COG5: variants seen among roughly 807,000 people sequenced by gnomAD.
COG5 encodes the protein component of oligomeric golgi complex 5, also known as conserved oligomeric Golgi complex subunit 5.
COG5 carries 86 observed loss-of-function variants against 110.4 expected under a neutral mutation model. The ratio of observed to expected loss-of-function variants is 0.78; its 90% confidence interval spans 0.65 to 0.93. The LOEUF (loss-of-function observed/expected upper bound fraction) is 0.93, where lower values mean the gene tolerates loss of function less well. COG5 is among the 40% of genes least tolerant of loss of function. The probability of loss-of-function intolerance (pLI) is 0.00; values close to 1 mark genes in which losing one functional copy is unlikely to be tolerated. For synonymous variants in COG5, 360 were observed against 334.6 expected (o/e 1.08, Z -0.83); for missense variants, 1,077 against 987.0 (o/e 1.09, Z -1.22).
At chr7:107,478,050 T>C (rs1797094795) in intron 6 of COG5, among the ~76,000 whole-genome samples, 1 of 151,886 alleles carries the variant, frequency 6.6e-6, no homozygotes, top group Non-Finnish European at 1.5e-5. Flanking sequence ...TCATAAATCA[T>C]AGGCATAGAT....
chr7:107,415,253 G>C (rs894968400), intron 6 of COG5, among the ~76,000 whole-genome samples: 12 of 152,170 alleles, frequency 7.9e-5, no homozygotes, highest in Admixed American at 3.3e-4. Flanking sequence ...CATGCACCAT[G>C]ATGAGGAGTC....
At chr7:107,206,092 C>T (rs1162818172) in intron 21 of COG5, among the ~76,000 whole-genome samples, 1 of 152,108 alleles carries the variant, frequency 6.6e-6, no homozygotes, top group Non-Finnish European at 1.5e-5. Context: ...TCCCGAGTAG[C>T]TGGGACTACA....
At chr7:107,385,535 A>G (rs1293324484) in intron 7 of COG5, among the ~76,000 whole-genome samples, 5 of 152,240 alleles carry the variant, frequency 3.3e-5, no homozygotes, top group Admixed American at 3.3e-4. Flanking sequence ...TTTAAAAGGC[A>G]GGGAATTCTG....
chr7:107,201,774 C>T lies in COG5; in HGVS notation c.*1742G>A, dbSNP rs534075932. 1.7e-3 allele frequency: 349 copies of T among 207,364 alleles called. 2 individuals carry two copies. The highest frequency in any genetic ancestry group is 1.7e-3 in the Non-Finnish European group (176 of 104,332). The allele number at this position is 207,364 out of a possible 1,614,324, so 12.8% of individuals were successfully genotyped here. On this transcript the variant is annotated 3_prime_UTR_variant, in exon 22 of 22. Transcript: ENST00000297135. ...TATACATGTTTTATTTTAAATTGTA[C>T]GAAAGGGGAATTTAAAAAATATGTA...
chr7:107,550,020 TCC>T (rs200489553), intron 3 of COG5, among the ~76,000 whole-genome samples: 2,252 of 152,206 alleles, frequency 0.015, 58 homozygotes, highest in African/African-American at 0.052. Context: ...TTCTCTCTCT[TCC>T]CCTGTACTGT....
At chr7:107,243,410 G>A (rs1319160351) in intron 17 of COG5, among the ~76,000 whole-genome samples, 1 of 151,586 alleles carries the variant, frequency 6.6e-6, no homozygotes, top group Non-Finnish European at 1.5e-5. Flanking sequence ...CTACTCAGGA[G>A]GCTGAGGCAG....
intron 5 of COG5, among the ~76,000 whole-genome samples, chr7:107,538,713 G>A (rs1005012911): frequency 6.6e-6 from 1 of 150,850 alleles, no homozygotes; most frequent in African/African-American, 2.4e-5. Flanking sequence ...GTTAGCATAT[G>A]ACCTAGCATA....
At chr7:107,275,903 T>C (rs1804668719) in intron 14 of COG5, among the ~76,000 whole-genome samples, 1 of 152,098 alleles carries the variant, frequency 6.6e-6, no homozygotes, top group Non-Finnish European at 1.5e-5. Context: ...ATATCACACA[T>C]GTATGTTTTT....
intron 19 of COG5, among the ~76,000 whole-genome samples, chr7:107,224,829 T>C (rs769089906): frequency 6.6e-5 from 10 of 152,250 alleles, no homozygotes; most frequent in Non-Finnish European, 1.5e-4. Flanking sequence ...AAATCACTAA[T>C]GTCAAAAGCT....
At chr7:107,225,630 A>G (rs1800277875) in intron 19 of COG5, among the ~76,000 whole-genome samples, 1 of 152,162 alleles carries the variant, frequency 6.6e-6, no homozygotes, top group South Asian at 2.1e-4. Flanking sequence ...CTCCCACCTT[A>G]GCCTACCGAG....
At chr7:107,210,863 G>A (rs1026372373) in intron 20 of COG5, among the ~76,000 whole-genome samples, 1 of 152,216 alleles carries the variant, frequency 6.6e-6, no homozygotes, top group Admixed American at 6.5e-5. Flanking sequence ...CAAATTACTT[G>A]TATCATTATT....
intron 12 of COG5, among the ~76,000 whole-genome samples, chr7:107,291,468 A>T (rs1806167241): frequency 6.6e-6 from 1 of 152,160 alleles, no homozygotes; most frequent in East Asian, 1.9e-4. Context: ...TTATCTGTTT[A>T]GTGATTGGCT....
chr7:107,469,808 A>T (rs994842922), intron 6 of COG5, among the ~76,000 whole-genome samples: 1 of 152,108 alleles, frequency 6.6e-6, no homozygotes, highest in African/African-American at 2.4e-5. Flanking sequence ...TGTTTGGCAT[A>T]AGTGACCAAC....
chr7:107,481,821 T>C (rs1379405469), intron 6 of COG5, among the ~76,000 whole-genome samples: 8 of 152,154 alleles, frequency 5.3e-5, no homozygotes, highest in Non-Finnish European at 1.2e-4. Context: ...CTGTCTTAAA[T>C]GCACACAATA....
intron 7 of COG5, among the ~76,000 whole-genome samples, chr7:107,388,534 G>GA (rs1790368068): frequency 6.6e-6 from 1 of 152,152 alleles, no homozygotes; most frequent in Non-Finnish European, 1.5e-5. Flanking sequence ...AATATGCTCA[G>GA]AAAACAGAAA....
intron 11 of COG5, among the ~76,000 whole-genome samples, chr7:107,301,532 T>C (rs1481470598): frequency 6.6e-6 from 1 of 151,964 alleles, no homozygotes; most frequent in African/African-American, 2.4e-5. Flanking sequence ...AAAACCACAA[T>C]GAGATACAAC....
intron 6 of COG5, among the ~76,000 whole-genome samples, chr7:107,449,588 C>A (rs1336748839): frequency 6.6e-6 from 1 of 152,120 alleles, no homozygotes; most frequent in Admixed American, 6.5e-5. Flanking sequence ...ATACCATAAA[C>A]CTTGAAAAAC....
rs143699441 is a variant in COG5 at position 107,328,851 on chromosome 7, C to T, written c.1027-4330G>A. Among the ~76,000 whole-genome samples the T allele has an allele frequency of 2.9e-3, 444 of 152,170 alleles. 3 individuals carry two copies. The highest frequency in any genetic ancestry group is 0.01 in the African/African-American group (428 of 41,518). On this transcript the variant is annotated intron_variant, in intron 10 of 21. Coordinates refer to ENST00000297135, the MANE Select transcript of COG5 (RefSeq NM_006348.5). ...TTATTATTATTTTAAGACGGAGTCT[C>T]GCTCTGTCGCCCAGGCTGGAGTGCA...
chr7:107,230,909 T>C (rs987099605), intron 18 of COG5, among the ~76,000 whole-genome samples: 1 of 93,560 alleles, frequency 1.1e-5, no homozygotes, highest in Non-Finnish European at 1.9e-5. Context: ...AATTCCTTCA[T>C]GAAAATAAAA....
Sources: allele counts gnomAD v4.1 joint callset (sites outside exome capture counted in the v4.1 genomes callset), GRCh38; gene constraint gnomAD v4.1.1; transcripts MANE v1.5; gene names NCBI Gene and HGNC (gene_info 2026-07-23, HGNC 2026-07-21).